MBTD1: variants seen among roughly 807,000 people sequenced by gnomAD.
MBTD1 encodes the protein MBT domain-containing protein 1.
MBTD1 carries 24 observed loss-of-function variants against 87.8 expected under a neutral mutation model. That is an observed-to-expected ratio of 0.27 (90% CI 0.20 to 0.38). The LOEUF is 0.38. Ranked by LOEUF, MBTD1 falls within the 10% of genes least tolerant of loss-of-function variation. The pLI, the probability that MBTD1 is intolerant of heterozygous loss-of-function variation, is 1.00. For synonymous variants in MBTD1, 237 were observed against 248.6 expected, an observed-to-expected ratio of 0.95 and a Z score of 0.44; for missense variants, 436 against 760.2, an observed-to-expected ratio of 0.57 and a Z score of 5.02.
intron 2 of MBTD1, among the ~76,000 whole-genome samples, chr17:51,239,207 A>G (rs558477133): frequency 2.0e-5 from 3 of 152,306 alleles, no homozygotes; most frequent in African/African-American, 7.2e-5. Context: ...GAATAAAAAC[A>G]GTTTAGGGGA....
chr17:51,260,634 C>CGAAGCCGAAGCG, upstream of MBTD1: 1 of 1,612,556 alleles, frequency 6.2e-7, no homozygotes, highest in Non-Finnish European at 8.5e-7. Flanking sequence ...AGAACCGGAG[C>CGAAGCCGAAGCG]GAAGCCGAAG....
At chr17:51,181,749 G>A (rs1189748318) in intron 16 of MBTD1, among the ~76,000 whole-genome samples, 4 of 152,182 alleles carry the variant, frequency 2.6e-5, no homozygotes, top group African/African-American at 4.8e-5. Context: ...AGGACAAGGC[G>A]GGAGGCCAGT....
intron 16 of MBTD1, chr17:51,184,349 C>A (rs1398440230): frequency 6.6e-6 from 1 of 152,218 alleles, no homozygotes; most frequent in Admixed American, 6.5e-5. Context: ...TTTGTTGACA[C>A]TAATCACTAC....
At chr17:51,204,847 C>T (rs905960256) in intron 7 of MBTD1, among the ~76,000 whole-genome samples, 16 of 152,098 alleles carry the variant, frequency 1.1e-4, no homozygotes, top group East Asian at 3.8e-4. Flanking sequence ...GCTTAGGTGG[C>T]CAATTACTCC....
chr17:51,259,223 C>T lies in MBTD1; in HGVS notation c.-112-17G>A, dbSNP rs1346982722. Reference sequence around the variant, plus strand: ...CTTCCGACTCTGAAATGTTAGGATTCTTATTTCACAAAGGAGAACGCAATG... The same window carrying T: ...CTTCCGACTCTGAAATGTTAGGATTTTTATTTCACAAAGGAGAACGCAATG... On this transcript the variant is annotated splice_polypyrimidine_tract_variant and intron_variant, in intron 1 of 16. Transcript: ENST00000586178. 1.6e-6 allele frequency: 2 copies of T among 1,227,222 alleles called. No homozygotes were observed. The highest frequency in any genetic ancestry group is 3.2e-5 in the East Asian group (1 of 31,696). The allele number at this position is 1,227,222 out of a possible 1,614,324, so 76.0% of individuals were successfully genotyped here. A position where few individuals can be genotyped will look rare whatever the true frequency, so the allele number is the denominator to read the frequency against.
chr17:51,207,003 T>C lies in MBTD1; in HGVS notation c.489A>G (p.Ala163=). The C allele has an allele frequency of 6.4e-7, 1 of 1,556,176 alleles. No homozygotes were observed. Among genetic ancestry groups the C allele is most frequent in the South Asian group, 1.1e-5 (1 of 89,510 alleles). Reference sequence around the variant, plus strand: ...TATCACCCCAGCAGGTCCCCATAGGTGCCTGTCACATAAAAATCATTAAAT... The same window carrying C: ...TATCACCCCAGCAGGTCCCCATAGGCGCCTGTCACATAAAAATCATTAAAT... ...IAAPVTCFKH[A]PMGTCWGDIS... Residue 163 remains alanine, a splice_region_variant and synonymous_variant, in exon 7 of 17, where the codon GCA becomes GCG. Coordinates refer to ENST00000586178, the MANE Select transcript of MBTD1 (RefSeq NM_017643.3).
chr17:51,260,814 G>A (rs201409207), upstream of MBTD1: 33 of 1,590,444 alleles, frequency 2.1e-5, no homozygotes, highest in East Asian at 6.7e-4. Flanking sequence ...CAGCGGAACC[G>A]CCTGAGGCTG....
intron 2 of MBTD1, among the ~76,000 whole-genome samples, chr17:51,258,218 T>C (rs1202252818): frequency 6.6e-6 from 1 of 152,166 alleles, no homozygotes; most frequent in Non-Finnish European, 1.5e-5. Flanking sequence ...ATCACATGCA[T>C]TATTTCTACA....
At chr17:51,250,956 G>A (rs2054743935) in intron 2 of MBTD1, 1 of 152,016 alleles carries the variant, frequency 6.6e-6, no homozygotes, top group Middle Eastern at 3.4e-3. Flanking sequence ...CTTCATTATT[G>A]GTTATGATTT....
chr17:51,182,220 G>A lies in MBTD1; in HGVS notation c.1769-1526C>T, dbSNP rs376737787. On this transcript the variant is annotated intron_variant, in intron 16 of 16. Transcript: ENST00000586178. Reference sequence around the variant, plus strand: ...ACTTACTGCAACTTCTGCCTCCCGGGTTCAAGTGATTCTCATGCCTCAGCC... The same window carrying A: ...ACTTACTGCAACTTCTGCCTCCCGGATTCAAGTGATTCTCATGCCTCAGCC... Among the ~76,000 whole-genome samples the A allele has an allele frequency of 5.3e-5, 8 of 150,556 alleles. No homozygotes were observed. The East Asian group carries it at 5.9e-4, about 11-fold the overall frequency.
chr17:51,215,969 T>C (rs963512500), intron 6 of MBTD1, among the ~76,000 whole-genome samples: 2 of 145,852 alleles, frequency 1.4e-5, no homozygotes, highest in Admixed American at 1.4e-4. Flanking sequence ...TGTCGCTCTA[T>C]TGCCCAGGCT....
intron 2 of MBTD1, among the ~76,000 whole-genome samples, chr17:51,227,348 C>A (rs994444563): frequency 6.6e-6 from 1 of 151,852 alleles, no homozygotes; most frequent in African/African-American, 2.4e-5. Flanking sequence ...ATTGCTTGAG[C>A]CCAGGAGTTC....
At chr17:51,253,476 T>C (rs780439998) in intron 2 of MBTD1, among the ~76,000 whole-genome samples, 7 of 152,000 alleles carry the variant, frequency 4.6e-5, no homozygotes, top group Non-Finnish European at 5.9e-5. Context: ...AAAAAATAAA[T>C]CACAATATAT....
intron 2 of MBTD1, among the ~76,000 whole-genome samples, chr17:51,253,127 A>C (rs1052632650): frequency 6.6e-6 from 1 of 152,196 alleles, no homozygotes; most frequent in African/African-American, 2.4e-5. Flanking sequence ...CAGTACATTA[A>C]AAAATTAAGT....
intron 6 of MBTD1, chr17:51,209,526 G>C (rs1270897151): frequency 2.1e-6 from 1 of 468,626 alleles, no homozygotes; most frequent in Non-Finnish European, 4.4e-6. Flanking sequence ...CCACATGACT[G>C]TAAGAAAATA....
At chr17:51,195,464 C>G in intron 12 of MBTD1, 103 bp from the exon 13 acceptor site, 1 of 861,974 alleles carries the variant, frequency 1.2e-6, no homozygotes, top group Admixed American at 2.9e-5. Flanking sequence ...ATATAAAGGT[C>G]TCTTCAAAGT....
At position 51,237,686 on chromosome 17, in the gene MBTD1, T is replaced by C. The variant is rs186306578; in HGVS notation, c.-48-12477A>G. On this transcript the variant is annotated intron_variant, in intron 2 of 16. Transcript: ENST00000586178. ...AGTCCTCTACAGTCAGTGTGGCAAA[T>C]GGAACTCTCATACATTGTGGATGAG... Among the ~76,000 whole-genome samples, 13 of 152,298 alleles carry C rather than the reference T, an allele frequency of 8.5e-5. No homozygotes were observed. The East Asian group carries it at 2.5e-3, about 29-fold the overall frequency.
chr17:51,192,071 T>C, intron 16 of MBTD1, 132 bp downstream of exon 16: 1 of 706,062 alleles, frequency 1.4e-6, no homozygotes, highest in East Asian at 2.7e-5. Context: ...TATGGCATAC[T>C]GCACCTTTAA....
At chr17:51,182,790 C>T (rs1487046570) in intron 16 of MBTD1, among the ~76,000 whole-genome samples, 1 of 152,112 alleles carries the variant, frequency 6.6e-6, no homozygotes, top group African/African-American at 2.4e-5. Flanking sequence ...ACTGCTCATA[C>T]AGAGAAAAAA....
Sources: gnomAD v4.1 joint callset for allele counts (sites outside exome capture counted in the v4.1 genomes callset) on GRCh38, gnomAD v4.1.1 for gene constraint, MANE v1.5 for transcripts, NCBI Gene and HGNC (gene_info 2026-07-23, HGNC 2026-07-21) for gene names.